The following C11orf16 variants were observed in gnomAD, a reference collection of about 807,000 sequenced individuals.
C11orf16 encodes the protein chromosome 11 open reading frame 16.
A neutral mutation model predicts 45.1 loss-of-function variants in C11orf16; 38 were observed. The ratio of observed to expected loss-of-function variants is 0.84; its 90% CI spans 0.65 to 1.10. The LOEUF (loss-of-function observed/expected upper bound fraction) is 1.10, where lower values mean the gene tolerates loss of function less well. Ranked by LOEUF, C11orf16 falls within the 50% of genes least tolerant of loss-of-function variation. The pLI is 0.00. For synonymous variants in C11orf16, 221 were observed against 222.0 expected (o/e 1.00, Z 0.04); for missense variants, 583 against 569.5 (o/e 1.02, Z -0.24).
intron 4 of C11orf16, 54 bp downstream of exon 4, chr11:8,926,886 T>C: frequency 6.9e-7 from 1 of 1,458,106 alleles, no homozygotes; most frequent in South Asian, 1.2e-5. Context: ...TCCTCTGGCC[T>C]GATTACAGCC....
Position 8,926,026 on chromosome 11 carries a change from G to T in C11orf16, c.641C>A (p.Ser214Tyr). 6.2e-7 allele frequency: 1 copy of T among 1,614,100 alleles called. No homozygotes were observed. The highest frequency in any genetic ancestry group is 8.5e-7 in the Non-Finnish European group (1 of 1,180,000). The change falls in exon 5 of 7, where the codon TCC becomes TAC. Residue 214 changes from serine (S) to tyrosine (Y), a missense_variant. Physicochemically the swap from Ser to Tyr is moderately radical, Grantham distance 144. Transcript: ENST00000326053. ...KVPLGGVQSV[S>Y]LTIWKKAVER... ...CACAGCCTTCTTCCAGATGGTCAGG[G>T]ACACCGACTGGACCCCACCTAGGGG...
At chr11:8,922,339 C>T (rs534672526) in intron 5 of C11orf16, among the ~76,000 whole-genome samples, 3 of 151,844 alleles carry the variant, frequency 2.0e-5, no homozygotes, top group African/African-American at 4.8e-5. Context: ...TGCCACTGCC[C>T]ACCAGCCTGG....
At chr11:8,923,903 C>G (rs1043661415) in intron 5 of C11orf16, among the ~76,000 whole-genome samples, 1 of 141,528 alleles carries the variant, frequency 7.1e-6, no homozygotes, top group Admixed American at 7.1e-5. Flanking sequence ...CTGTGCCCAG[C>G]GAAATCGCCA....
chr11:8,924,863 GC>G (rs1437642424), intron 5 of C11orf16, among the ~76,000 whole-genome samples: 1 of 152,170 alleles, frequency 6.6e-6, no homozygotes, highest in African/African-American at 2.4e-5. Flanking sequence ...ACCTAGCAGG[GC>G]CCGCCACACA....
rs1173067146 is a variant in C11orf16 at position 8,925,906 on chromosome 11, G to C, written c.761C>G (p.Thr254Ser). ...SLLGPITGRI[T>S]NELPPDAPFL... ...TGGAGCATCCGGAGGAAGCTCATTA[G>C]TGATGCGCCCAGTGATTGGCCCTAG... The change falls in exon 5 of 7, where the codon ACT becomes AGT. Residue 254 changes from threonine to serine, a missense_variant. Thr to Ser is a moderately conservative substitution (Grantham distance 58). Transcript: ENST00000326053. 6.2e-7 allele frequency: 1 copy of C among 1,614,122 alleles called. No individual in the cohort carries two copies. The highest frequency in any genetic ancestry group is 8.5e-7 in the Non-Finnish European group (1 of 1,180,050).
At chr11:8,923,020 G>A (rs1189187724) in intron 5 of C11orf16, among the ~76,000 whole-genome samples, 3 of 152,222 alleles carry the variant, frequency 2.0e-5, no homozygotes, top group Non-Finnish European at 4.4e-5. Context: ...ACAAGATCCA[G>A]TATTTAACAG....
intron 5 of C11orf16, 72 bp downstream of exon 5, chr11:8,925,391 G>A (rs2064602237): frequency 7.3e-7 from 1 of 1,373,680 alleles, no homozygotes. Flanking sequence ...AATTCCTAAG[G>A]GACATGTGGG....
Position 8,925,466 on chromosome 11 carries a change from G to C in C11orf16, c.1201C>G (p.Pro401Ala), listed in dbSNP as rs777663151. The change falls in exon 5 of 7, where the codon CCA becomes GCA. Residue 401 changes from proline to alanine, a missense_variant. Physicochemically the swap from Pro to Ala is conservative, Grantham distance 27. Transcript: ENST00000326053. ...RNGPEPCLGKPGTRYSNICKE... is the reference protein window; with the variant it reads ...RNGPEPCLGKAGTRYSNICKE... ...CAAGCCCACTCCCCTGGTATACCTG[G>C]CTTCCCAAGGCATGGCTCAGGCCCG... 16 of 1,610,714 alleles carry C rather than the reference G, an allele frequency of 9.9e-6. No individual in the cohort carries two copies.
intron 5 of C11orf16, among the ~76,000 whole-genome samples, chr11:8,922,577 G>T (rs1339782194): frequency 1.3e-5 from 2 of 152,200 alleles, no homozygotes; most frequent in Non-Finnish European, 2.9e-5. Context: ...GGATCTAATT[G>T]GAACCTCTCA....
chr11:8,924,263 C>T (rs1028770600), intron 5 of C11orf16, among the ~76,000 whole-genome samples: 3 of 152,134 alleles, frequency 2.0e-5, no homozygotes, highest in South Asian at 2.1e-4. Context: ...TGGTGGTTCA[C>T]GCCTGTAATC....
intron 5 of C11orf16, among the ~76,000 whole-genome samples, chr11:8,921,736 C>T (rs2064576165): frequency 6.6e-6 from 1 of 152,172 alleles, no homozygotes; most frequent in East Asian, 1.9e-4. Context: ...AAGTCATCCT[C>T]CCACCTGCCA....
rs1183804186 is a variant in C11orf16, at chr11:8,921,337, C to T, written c.1383G>A (p.Gln461=). 1 of 1,613,326 alleles carries T rather than the reference C, an allele frequency of 6.2e-7. No homozygotes were observed. Among genetic ancestry groups the T allele is most frequent in the African/African-American group, 1.3e-5 (1 of 74,172 alleles). Residue 461 remains glutamine, a synonymous_variant, in exon 6 of 7, where the codon CAG becomes CAA. Transcript: ENST00000326053. ...RKRSQSLAIC[Q]WNKNSR ...TAGTCTAACGGGAATTCTTGTTCCA[C>T]TGACATATTGCAAGGCTCTGACTCC...
At chr11:8,927,605 C>A (rs1215767526) in intron 3 of C11orf16, 1 of 457,380 alleles carries the variant, frequency 2.2e-6, no homozygotes, top group South Asian at 1.5e-5. Context: ...TGTCCAAGAC[C>A]AACAGGATGG....
chr11:8,924,891 G>A (rs778482323), intron 5 of C11orf16, among the ~76,000 whole-genome samples: 5 of 152,228 alleles, frequency 3.3e-5, no homozygotes, highest in African/African-American at 1.2e-4. Context: ...AGCTGGAGGC[G>A]ATGCAGTGTG....
rs750662692 is a variant in C11orf16, at chr11:8,929,393, A to G, written c.308T>C (p.Ile103Thr). The G allele has an allele frequency of 3.7e-6, 6 of 1,613,718 alleles. No individual in the cohort carries two copies. The African/African-American group carries it at 8.0e-5, about 22-fold the overall frequency. Residue 103 changes from isoleucine (I) to threonine (T), a missense_variant, in exon 3 of 7, where the codon ATA becomes ACA. Coordinates refer to ENST00000326053, the MANE Select transcript of C11orf16 (RefSeq NM_020643.3). Reference protein sequence around the residue: ...EADGFYYRAQIKATPELERQG... With the variant: ...EADGFYYRAQTKATPELERQG... ...GGGACTTGCCTCGGGAGTGGCCTTTATTTGGGCCCGGTAGTAAAAACCATC... is the reference window on the plus strand; with the variant it reads ...GGGACTTGCCTCGGGAGTGGCCTTTGTTTGGGCCCGGTAGTAAAAACCATC...
chr11:8,924,657 G>T (rs902386086), intron 5 of C11orf16, among the ~76,000 whole-genome samples: 1 of 152,170 alleles, frequency 6.6e-6, no homozygotes, highest in Non-Finnish European at 1.5e-5. Context: ...TGTGGGCAGT[G>T]CCTAGAGATC....
At chr11:8,927,910 C>CT (rs970133150) in intron 3 of C11orf16, among the ~76,000 whole-genome samples, 14 of 152,070 alleles carry the variant, frequency 9.2e-5, no homozygotes, top group East Asian at 3.9e-4. Flanking sequence ...TGAAAATTGA[C>CT]TTTTTTTTGT....
In C11orf16 at chr11:8,927,034, T is replaced by C. The variant is rs2064618899; in HGVS notation, c.465A>G (p.Pro155=). The C allele has an allele frequency of 6.2e-7, 1 of 1,614,118 alleles. No homozygotes were observed. Among genetic ancestry groups the C allele is most frequent in the African/African-American group, 1.3e-5 (1 of 75,040 alleles). Residue 155 remains proline, a synonymous_variant, in exon 4 of 7, where the codon CCA becomes CCG. Transcript: ENST00000326053. ...CCCAGAGTGCCAGCACCTTATCCCC[T>C]GGTCTCAGTGAGTATCCTACAGATG... ...LSPSVGYSLR[P]GDKVLALWEP...
At chr11:8,929,603 G>T in intron 2 of C11orf16, 70 bp from the exon 3 acceptor site, 2 of 1,402,400 alleles carry the variant, frequency 1.4e-6, no homozygotes, top group Non-Finnish European at 1.9e-6. Flanking sequence ...AACACGTTTC[G>T]CAGGTACATC....
Sources: gnomAD v4.1 joint callset for allele counts (sites outside exome capture counted in the v4.1 genomes callset) on GRCh38, gnomAD v4.1.1 for gene constraint, MANE v1.5 for transcripts, NCBI Gene and HGNC (gene_info 2026-07-23, HGNC 2026-07-21) for gene names.